PRPF8: variants seen among roughly 807,000 people sequenced by gnomAD.
The protein encoded by PRPF8 is pre-mRNA processing factor 8, also known as pre-mRNA-processing-splicing factor 8.
Under a neutral mutation model 285.9 loss-of-function variants are expected in PRPF8, and 64 were observed. The observed-to-expected ratio is 0.22, with a 90% CI of 0.18 to 0.28. The LOEUF (loss-of-function observed/expected upper bound fraction) is 0.28. PRPF8 is among the 10% of genes least tolerant of loss of function. The pLI is 1.00. For synonymous variants in PRPF8, 1,325 were observed against 1,118.2 expected (o/e 1.18, Z -3.69); for missense variants, 1,426 against 3,026.7 (o/e 0.47, Z 12.41).
chr17:1,658,116 C>T lies in PRPF8; in HGVS notation c.5505+137G>A, dbSNP rs1385490776. On this transcript the variant is annotated intron_variant, in intron 34 of 42. Transcript: ENST00000304992. The surrounding 1 kb of genome is among the most constrained non-coding windows in gnomAD (Gnocchi z 4.1). ...CTCTTGGACCTCCCACAGAATACTTCCCAAGGTATTTTGGGGATAAGTTCA... is the reference window on the plus strand; with the variant it reads ...CTCTTGGACCTCCCACAGAATACTTTCCAAGGTATTTTGGGGATAAGTTCA... 1.1e-5 allele frequency: 15 copies of T among 1,324,396 alleles called. No homozygotes were observed. The highest frequency in any genetic ancestry group is 2.0e-5 in the Admixed American group (1 of 50,952). 82.0% of individuals were successfully genotyped at this position (1,324,396 alleles called of 1,614,324 possible). A position where few individuals can be genotyped will look rare whatever the true frequency, so the allele number is the denominator to read the frequency against.
At chr17:1,682,333 A>G (rs374504695) in intron 3 of PRPF8, 40 bp from the exon 4 acceptor site, 340 of 1,602,424 alleles carry the variant, frequency 2.1e-4, no homozygotes, top group Non-Finnish European at 2.8e-4. Flanking sequence ...AGAAATGACG[A>G]GGTGTTCTGC....
intron 28 of PRPF8, 32 bp from the exon 29 acceptor site, chr17:1,660,859 T>C (rs1416456595): frequency 1.2e-6 from 2 of 1,613,176 alleles, no homozygotes; most frequent in South Asian, 2.2e-5. Flanking sequence ...TGAGGTGATA[T>C]CCTGCCATTT....
chr17:1,676,142 T>A lies in PRPF8; in HGVS notation c.2552+65A>T. 1 of 1,612,190 alleles carries A rather than the reference T, an allele frequency of 6.2e-7. No homozygotes were observed. The highest frequency in any genetic ancestry group is 8.5e-7 in the Non-Finnish European group (1 of 1,179,886). ...GGGGCTACACCTTCTTTCTTTGGAC[T>A]CTGAGGATGACGCCATTCCCTGCTG... On this transcript the variant is annotated intron_variant, in intron 17 of 42. Coordinates refer to ENST00000304992, the MANE Select transcript of PRPF8 (RefSeq NM_006445.4). This position sits in a 1 kb window ranked among gnomAD's most constrained non-coding sequence, Gnocchi z 6.3.
chr17:1,661,180 C>A lies in PRPF8; in HGVS notation c.4339-18G>T. 1 of 1,614,156 alleles carries A rather than the reference C, an allele frequency of 6.2e-7. No homozygotes were observed. The highest frequency in any genetic ancestry group is 8.5e-7 in the Non-Finnish European group (1 of 1,180,034). On this transcript the variant is annotated intron_variant, in intron 27 of 42. Transcript: ENST00000304992. The surrounding 1 kb of genome is among the most constrained non-coding windows in gnomAD (Gnocchi z 7.3). The stretch of plus-strand genomic sequence containing the variant: ...TTCAAAACCTAGATGGCAAGGCAGG[C>A]ACGGTCAAGCTTCTGGGTGCCTATT...
At chr17:1,680,577 G>A (rs1912859523) in intron 8 of PRPF8, 149 bp downstream of exon 8, 2 of 761,938 alleles carry the variant, frequency 2.6e-6, no homozygotes, top group East Asian at 2.7e-5. Context: ...TAAAGCAAAT[G>A]CTGAATTCTC....
At chr17:1,665,949 G>A (rs1466224721) in intron 24 of PRPF8, among the ~76,000 whole-genome samples, 1 of 151,206 alleles carries the variant, frequency 6.6e-6, no homozygotes, top group African/African-American at 2.4e-5. Context: ...TCAGGTGGTG[G>A]TCAGGAGATC....
At chr17:1,671,841 A>ACT in intron 24 of PRPF8, among the ~76,000 whole-genome samples, 1 of 131,552 alleles carries the variant, frequency 7.6e-6, no homozygotes, top group African/African-American at 3.1e-5. Context: ...ACAGAGCAAG[A>ACT]CTCCATCTCA....
In PRPF8 at chr17:1,675,434, CTA is replaced by C; in HGVS notation, c.2873-97_2873-96del. 1.3e-6 allele frequency: 2 copies of C among 1,492,690 alleles called. No individual in the cohort carries two copies. Among genetic ancestry groups the C allele is most frequent in the Non-Finnish European group, 9.3e-7 (1 of 1,073,476 alleles). The allele number at this position is 1,492,690 out of a possible 1,614,324, so 92.5% of individuals were successfully genotyped here. ...TCATTACCTTCCATAACCAATCCCA[CTA>C]TGATTCCACGTATTCATTTGGATTG... On this transcript the variant is annotated intron_variant, in intron 19 of 42. Coordinates refer to ENST00000304992, the MANE Select transcript of PRPF8 (RefSeq NM_006445.4). The surrounding 1 kb of genome is among the most constrained non-coding windows in gnomAD (Gnocchi z 6.0).
intron 24 of PRPF8, among the ~76,000 whole-genome samples, chr17:1,664,069 T>C (rs1911821790): frequency 1.3e-5 from 2 of 152,190 alleles, no homozygotes; most frequent in African/African-American, 2.4e-5. Context: ...CTTGCTCTGT[T>C]GCCCAGGCTA....
chr17:1,656,323 G>C (rs543610321), intron 36 of PRPF8, 69 bp downstream of exon 36: 18 of 1,596,296 alleles, frequency 1.1e-5, no homozygotes, highest in Admixed American at 1.0e-4. Context: ...GCAAAAACCT[G>C]ACACAGGATC....
intron 20 of PRPF8, 123 bp from the exon 21 acceptor site, chr17:1,674,803 C>T: frequency 9.7e-7 from 1 of 1,034,760 alleles, no homozygotes; most frequent in South Asian, 1.3e-5. Context: ...CGGAGTTGTG[C>T]TCAGTCACCC....
chr17:1,683,188 G>A, intron 3 of PRPF8: 1 of 346,822 alleles, frequency 2.9e-6, no homozygotes, highest in South Asian at 2.4e-5. Flanking sequence ...GTAGAGACGG[G>A]GTTTCACCGT....
chr17:1,675,292 T>C lies in PRPF8; in HGVS notation c.2920A>G (p.Asn974Asp). The C allele has an allele frequency of 6.2e-7, 1 of 1,614,196 alleles. No homozygotes were observed. The highest frequency in any genetic ancestry group is 1.1e-5 in the South Asian group (1 of 91,086). Residue 974 changes from asparagine to aspartate, a missense_variant, in exon 20 of 43, where the codon AAT becomes GAT. Around this residue, in one of 34 missense-constraint regions of PRPF8, gnomAD observed 37 missense variants for 43.4 expected, o/e 0.85. Transcript: ENST00000304992. This position sits in a 1 kb window ranked among gnomAD's most constrained non-coding sequence, Gnocchi z 6.0. Reference protein sequence around the residue: ...DVWETSEGECNVMLESRFEKM... With the variant: ...DVWETSEGECDVMLESRFEKM... ...TCAAAGCGGGATTCCAGCATGACAT[T>C]GCACTCGCCTTCACTCGTCTCCCAC...
Position 1,676,919 on chromosome 17 carries a change from G to C in PRPF8, c.2181+57C>G. On this transcript the variant is annotated intron_variant, in intron 15 of 42. Coordinates refer to ENST00000304992, the MANE Select transcript of PRPF8 (RefSeq NM_006445.4). The surrounding 1 kb of genome is among the most constrained non-coding windows in gnomAD (Gnocchi z 6.3). ...TAGCCCCCTAATGATTCCCGAAGTG[G>C]TAATCCTACCCTAAAGACGGATGTT... 2 of 1,596,130 alleles carry C rather than the reference G, an allele frequency of 1.3e-6. No individual in the cohort carries two copies. The highest frequency in any genetic ancestry group is 3.3e-5 in the Admixed American group (2 of 59,994).
At position 1,681,965 on chromosome 17, in the gene PRPF8, CA is replaced by C. The variant is rs1246665675; in HGVS notation, c.507del (p.Phe169LeufsTer15). 6.2e-7 allele frequency: 1 copy of C among 1,613,924 alleles called. No homozygotes were observed. Among genetic ancestry groups the C allele is most frequent in the African/African-American group, 1.3e-5 (1 of 74,862 alleles). On this transcript the variant is annotated frameshift_variant, in exon 5 of 43. Coordinates refer to ENST00000304992, the MANE Select transcript of PRPF8 (RefSeq NM_006445.4). LOFTEE classifies it high-confidence loss of function. The part of the protein sequence containing the change: ...RHFKRMRFPP[F>X]DDEEPPLDYA... ...TAGTCCAAGGGCGGCTCCTCATCAT[CA>C]AAAGGGGGAAAACGCATCCTCTTGA...
intron 24 of PRPF8, among the ~76,000 whole-genome samples, chr17:1,665,628 G>A (rs527674915): frequency 6.6e-6 from 1 of 152,134 alleles, no homozygotes; most frequent in South Asian, 2.1e-4. Context: ...TGGATCACGA[G>A]GTCAAGAGTT....
At position 1,654,472 on chromosome 17, in the gene PRPF8, A is replaced by C. The variant is rs76871528; in HGVS notation, c.5988-456T>G. On this transcript the variant is annotated intron_variant, in intron 37 of 42. Coordinates refer to ENST00000304992, the MANE Select transcript of PRPF8 (RefSeq NM_006445.4). ...GGATACTTAGGGTCTCGGATGTTCA[A>C]AATTCTTCCCATGTATGGACAGTAA... 1.2e-3 allele frequency: 355 copies of C among 304,028 alleles called. 2 individuals carry two copies. Among genetic ancestry groups the C allele is most frequent in the African/African-American group, 7.0e-3 (328 of 46,616 alleles). The allele number at this position is 304,028 out of a possible 1,614,324, so 18.8% of individuals were successfully genotyped here.
In PRPF8 at chr17:1,681,911, G is replaced by C. The variant is rs554296243; in HGVS notation, c.562C>G (p.Leu188Val). ...TCCAGCTCTAGCTGAATGGCCTCCA[G>C]TGGCTCAACATCTAGGATGTTGTCA... ...YADNILDVEP[L>V]EAIQLELDPE... The change falls in exon 5 of 43, where the codon CTG (leucine) becomes GTG (valine). Residue 188 changes from leucine (L) to valine (V), a missense_variant. By Grantham distance (32) the Leu-to-Val change is conservative. Transcript: ENST00000304992. The C allele has an allele frequency of 6.2e-7, 1 of 1,614,072 alleles. No individual in the cohort carries two copies. Among genetic ancestry groups the C allele is most frequent in the South Asian group, 1.1e-5 (1 of 91,066 alleles).
At chr17:1,677,983 C>T (rs1212500470) in intron 13 of PRPF8, among the ~76,000 whole-genome samples, 1 of 152,100 alleles carries the variant, frequency 6.6e-6, no homozygotes, top group Non-Finnish European at 1.5e-5. Context: ...GGAAAGAGCC[C>T]TGTCTAAATG....
Sources: allele counts gnomAD v4.1 joint callset (sites outside exome capture counted in the v4.1 genomes callset), GRCh38; gene constraint gnomAD v4.1.1; regional missense constraint gnomAD v4.1.1; non-coding constraint Gnocchi (gnomAD v3.1); transcripts MANE v1.5; gene names NCBI Gene and HGNC (gene_info 2026-07-23, HGNC 2026-07-21).